Variants in MARK3 observed in about 807,000 individuals in gnomAD.
The protein encoded by MARK3 is microtubule affinity regulating kinase 3.
Under a neutral mutation model 90.1 loss-of-function variants are expected in MARK3, and 46 were observed. The ratio of observed to expected loss-of-function variants is 0.51; its 90% CI spans 0.40 to 0.65. The LOEUF is 0.65. Ranked by LOEUF, MARK3 falls within the 30% of genes least tolerant of loss-of-function variation. MARK3 has a pLI of 0.00. For missense variants in MARK3, 818 were observed against 947.2 expected, an observed-to-expected ratio of 0.86 and a Z score of 1.79; for synonymous variants, 321 against 332.6, an observed-to-expected ratio of 0.97 and a Z score of 0.38.
At chr14:103,389,147 G>A (rs1317945500) in intron 1 of MARK3, among the ~76,000 whole-genome samples, 2 of 151,566 alleles carry the variant, frequency 1.3e-5, no homozygotes, top group Non-Finnish European at 2.9e-5. Context: ...GGCGGATCAC[G>A]AGGTCAGGAG....
intron 14 of MARK3, among the ~76,000 whole-genome samples, chr14:103,488,910 T>C (rs4143998): frequency 0.63 from 95,101 of 152,070 alleles, 30,848 homozygotes; most frequent in Middle Eastern, 0.76. Context: ...ACGTATCTGC[T>C]TTATGTTGGG....
At chr14:103,400,943 T>TTGTGTGTGTGTGTGTGTGTG (rs61635275) in intron 1 of MARK3, among the ~76,000 whole-genome samples, 3 of 123,548 alleles carry the variant, frequency 2.4e-5, no homozygotes, top group African/African-American at 6.2e-5. Flanking sequence ...ATATAACATT[T>TTGTGTGTGTGTGTGTGTGTG]TGTGTGTGTG....
intron 1 of MARK3, among the ~76,000 whole-genome samples, chr14:103,390,205 G>A (rs541299108): frequency 5.3e-5 from 8 of 151,994 alleles, no homozygotes; most frequent in African/African-American, 1.2e-4. Flanking sequence ...CCAAGATGGC[G>A]CCACTGCACT....
chr14:103,396,291 C>G (rs1414292938), intron 1 of MARK3, among the ~76,000 whole-genome samples: 4 of 152,164 alleles, frequency 2.6e-5, no homozygotes, highest in Admixed American at 2.0e-4. Context: ...TAATACAAAT[C>G]AGGATTTTCC....
chr14:103,467,891 G>T (rs1177049583), intron 11 of MARK3, 142 bp from the exon 12 acceptor site: 1 of 714,564 alleles, frequency 1.4e-6, no homozygotes, highest in South Asian at 2.4e-5. Context: ...TGAGTTTAGG[G>T]TTGTCATTTT....
At chr14:103,448,143 A>G (rs561610298) in intron 3 of MARK3, among the ~76,000 whole-genome samples, 2 of 152,270 alleles carry the variant, frequency 1.3e-5, no homozygotes, top group South Asian at 4.1e-4. Flanking sequence ...CAGGGGCTGG[A>G]TGCAGTTACA....
At position 103,411,408 on chromosome 14, in the gene MARK3, T is replaced by G. The variant is rs116915974; in HGVS notation, c.243+6141T>G. 9.8e-5 allele frequency among the ~76,000 whole-genome samples: 15 copies of G among 152,328 alleles called. No individual in the cohort carries two copies. The East Asian group carries it at 2.7e-3, about 27-fold the overall frequency. On this transcript the variant is annotated intron_variant, in intron 2 of 17. Coordinates refer to ENST00000429436, the MANE Select transcript of MARK3 (RefSeq NM_001128918.3). Reference sequence around the variant, plus strand: ...GTATTAGGTGTAGGGATCTGACTTTTTTTTTCCACTTGGATTACAATTGTC... The same window carrying G: ...GTATTAGGTGTAGGGATCTGACTTTGTTTTTCCACTTGGATTACAATTGTC...
chr14:103,429,925 G>A (rs2092530192), intron 3 of MARK3, among the ~76,000 whole-genome samples: 1 of 152,168 alleles, frequency 6.6e-6, no homozygotes, highest in Non-Finnish European at 1.5e-5. Flanking sequence ...CCATGGTGTT[G>A]TATCAAGTTG....
intron 3 of MARK3, among the ~76,000 whole-genome samples, chr14:103,434,627 C>T (rs1377989086): frequency 3.3e-5 from 5 of 152,116 alleles, no homozygotes; most frequent in African/African-American, 1.2e-4. Context: ...CTCTGTGTGG[C>T]CTACACATCA....
intron 17 of MARK3, among the ~76,000 whole-genome samples, chr14:103,501,657 C>T (rs2075674239): frequency 6.6e-6 from 1 of 151,980 alleles, no homozygotes; most frequent in African/African-American, 2.4e-5. Flanking sequence ...TCTCATCCTG[C>T]CTGTCACGTT....
At chr14:103,475,251 G>T (rs774851728) in intron 13 of MARK3, 41 bp downstream of exon 13, 1 of 1,565,576 alleles carries the variant, frequency 6.4e-7, no homozygotes, top group Non-Finnish European at 8.8e-7. Context: ...AGGGTGGTAG[G>T]GTTGGAACCA....
chr14:103,416,952 A>G (rs891752889), intron 2 of MARK3, among the ~76,000 whole-genome samples: 2 of 152,140 alleles, frequency 1.3e-5, no homozygotes, highest in Admixed American at 1.3e-4. Context: ...TGTATTAGAG[A>G]TGTGAGGAGG....
chr14:103,431,779 C>T (rs1189745138), intron 3 of MARK3, among the ~76,000 whole-genome samples: 1 of 152,146 alleles, frequency 6.6e-6, no homozygotes, highest in Non-Finnish European at 1.5e-5. Context: ...CATCTGTCTT[C>T]TAGAAACTTC....
rs571611660 is a variant in MARK3 at position 103,460,073 on chromosome 14, C to CTTTTTTTTTT, written c.484-2310_484-2301dup. On this transcript the variant is annotated intron_variant, in intron 6 of 17. Transcript: ENST00000429436. ...AAAAAGAATAGATTTCCAGCTCCAT[C>CTTTTTTTTTT]TTTTTTTTTTTTTTTTTTTTTTTTT... Among the ~76,000 whole-genome samples, 415 of 41,724 alleles carry CTTTTTTTTTT rather than the reference C, an allele frequency of 9.9e-3. 108 individuals carry two copies. Among genetic ancestry groups the CTTTTTTTTTT allele is most frequent in the Middle Eastern group, 0.024 (1 of 42 alleles). 27.4% of individuals were successfully genotyped at this position (41,724 alleles called of 152,430 possible).
intron 1 of MARK3, among the ~76,000 whole-genome samples, chr14:103,398,599 C>A (rs999253480): frequency 1.3e-5 from 2 of 152,074 alleles, no homozygotes; most frequent in African/African-American, 4.8e-5. Flanking sequence ...TCTCAAACTT[C>A]CGGGTTTAAG....
intron 11 of MARK3, 169 bp from the exon 12 acceptor site, chr14:103,467,864 A>G: frequency 1.8e-6 from 1 of 550,708 alleles, no homozygotes; most frequent in African/African-American, 1.9e-5. Context: ...TCCAGCCGTC[A>G]GAAAACTACT....
chr14:103,501,164 C>T (rs2075641898), intron 17 of MARK3, among the ~76,000 whole-genome samples: 1 of 152,240 alleles, frequency 6.6e-6, no homozygotes, highest in Non-Finnish European at 1.5e-5. Flanking sequence ...ACTATTTCAC[C>T]TGGCCACGTC....
intron 2 of MARK3, among the ~76,000 whole-genome samples, chr14:103,408,248 G>T (rs142686144): frequency 1.3e-5 from 2 of 152,062 alleles, no homozygotes; most frequent in Admixed American, 1.3e-4. Context: ...GTGCAGTGGC[G>T]TGATCTCAGC....
chr14:103,443,759 G>A (rs558486366), intron 3 of MARK3, among the ~76,000 whole-genome samples: 3 of 152,304 alleles, frequency 2.0e-5, no homozygotes, highest in Admixed American at 2.0e-4. Context: ...ATATTAAGAA[G>A]CAAATTTTTT....
Sources: gnomAD v4.1 joint callset for allele counts (sites outside exome capture counted in the v4.1 genomes callset) on GRCh38, gnomAD v4.1.1 for gene constraint, MANE v1.5 for transcripts, NCBI Gene and HGNC (gene_info 2026-07-23, HGNC 2026-07-21) for gene names.